Variants in IL1RAPL1 observed in about 807,000 individuals in gnomAD.
IL1RAPL1 encodes the protein interleukin-1 receptor accessory protein-like 1.
IL1RAPL1 carries 3 observed loss-of-function variants against 48.4 expected under a neutral mutation model. The observed-to-expected ratio is 0.06, with a 90% CI of 0.03 to 0.16. IL1RAPL1 has a LOEUF of 0.16. Among genes scored for constraint, IL1RAPL1 ranks in the 10% least tolerant of loss-of-function variants. The pLI, the probability that IL1RAPL1 is intolerant of heterozygous loss-of-function variation, is 1.00. For synonymous variants in IL1RAPL1, 185 were observed against 187.7 expected (o/e 0.99, Z 0.12); for missense variants, 349 against 530.6 (o/e 0.66, Z 3.36).
At chrX:29,305,563 A>G (rs185310319) in intron 3 of IL1RAPL1, among the ~76,000 whole-genome samples, 8 of 111,945 alleles carry the variant, frequency 7.1e-5, no homozygotes, top group African/African-American at 2.6e-4. Flanking sequence ...ATTTCAAAAG[A>G]GCAGGATTGT....
intron 2 of IL1RAPL1, among the ~76,000 whole-genome samples, chrX:28,982,280 C>A (rs958375206): frequency 5.4e-5 from 6 of 112,080 alleles, no homozygotes; most frequent in African/African-American, 1.6e-4. Context: ...GTCATCTGGG[C>A]AGCTTGCTGT....
intron 2 of IL1RAPL1, among the ~76,000 whole-genome samples, chrX:29,017,957 T>G (rs1281500591): frequency 8.9e-6 from 1 of 112,038 alleles, no homozygotes; most frequent in Non-Finnish European, 1.9e-5. Flanking sequence ...AGTTTCTCTA[T>G]TAAAAATTGT....
At chrX:28,623,111 A>G (rs1464561842) in intron 1 of IL1RAPL1, among the ~76,000 whole-genome samples, 1 of 110,909 alleles carries the variant, frequency 9.0e-6, no homozygotes, top group Non-Finnish European at 1.9e-5. Flanking sequence ...ATATATATCT[A>G]TATATCTCTC....
chrX:29,681,416 A>G (rs1926444851), intron 6 of IL1RAPL1, among the ~76,000 whole-genome samples: 1 of 112,430 alleles, frequency 8.9e-6, no homozygotes, highest in Non-Finnish European at 1.9e-5. Flanking sequence ...GTTAATTATG[A>G]AAGGAGAATC....
At position 28,899,526 on chromosome X, in the gene IL1RAPL1, G is replaced by A. The variant is rs144705806; in HGVS notation, c.82+110101G>A. Among the ~76,000 whole-genome samples the A allele has an allele frequency of 4.0e-3, 449 of 111,987 alleles. 4 individuals carry two copies. The highest frequency in any genetic ancestry group is 0.014 in the African/African-American group (428 of 30,828). On this transcript the variant is annotated intron_variant, in intron 2 of 10. Coordinates refer to ENST00000378993, the MANE Select transcript of IL1RAPL1 (RefSeq NM_014271.4). ...AAAGAATTATAAGTGCATTCTAACT[G>A]TGCATCTGTTTTATTTTCACCTGTC...
intron 6 of IL1RAPL1, among the ~76,000 whole-genome samples, chrX:29,715,086 A>T (rs2147122675): frequency 9.0e-6 from 1 of 111,313 alleles, no homozygotes; most frequent in East Asian, 2.8e-4. Flanking sequence ...TCTTTTGTTG[A>T]CTGTTTGTTA....
Position 29,469,475 on chromosome X carries a change from A to C in IL1RAPL1, c.703+70167A>C, listed in dbSNP as rs1333576806. 2.7e-5 allele frequency among the ~76,000 whole-genome samples: 3 copies of C among 111,944 alleles called. No individual in the cohort carries two copies. In the Admixed American group the frequency reaches 2.9e-4, roughly 11 times the overall value. ...TTCATTTGCTGTTATAAAAGAAAAAAATATAAGCTTGGGTACAGCTACCAT... is the reference window on the plus strand; with the variant it reads ...TTCATTTGCTGTTATAAAAGAAAAACATATAAGCTTGGGTACAGCTACCAT... On this transcript the variant is annotated intron_variant, in intron 5 of 10. Coordinates refer to ENST00000378993, the MANE Select transcript of IL1RAPL1 (RefSeq NM_014271.4).
chrX:28,797,683 G>C (rs1225579934), intron 2 of IL1RAPL1, among the ~76,000 whole-genome samples: 3 of 111,580 alleles, frequency 2.7e-5, no homozygotes, highest in Non-Finnish European at 5.6e-5. Context: ...CAAGTCTCTA[G>C]GAAGTTCTAA....
At chrX:29,928,175 G>A (rs1264840488) in intron 8 of IL1RAPL1, among the ~76,000 whole-genome samples, 2 of 111,943 alleles carry the variant, frequency 1.8e-5, no homozygotes, top group East Asian at 2.8e-4. Flanking sequence ...AGCTGCCAGT[G>A]GCAGCAGTCT....
intron 2 of IL1RAPL1, among the ~76,000 whole-genome samples, chrX:29,277,739 A>G (rs1932141288): frequency 8.9e-6 from 1 of 112,013 alleles, no homozygotes; most frequent in Non-Finnish European, 1.9e-5. Context: ...AGTGTTTTGG[A>G]TATCAGATCT....
chrX:29,938,750 T>G (rs1031594864), intron 8 of IL1RAPL1, among the ~76,000 whole-genome samples: 8 of 112,042 alleles, frequency 7.1e-5, no homozygotes, highest in Non-Finnish European at 1.3e-4. Flanking sequence ...TTCCCTTCAC[T>G]CATCATCAAT....
chrX:29,933,672 AAGAG>A (rs1398979783), intron 8 of IL1RAPL1, among the ~76,000 whole-genome samples: 171 of 109,946 alleles, frequency 1.6e-3, no homozygotes, highest in Middle Eastern at 4.7e-3. Flanking sequence ...AAAAAAAAAA[AAGAG>A]AGAGAAGACA....
chrX:29,620,192 A>G (rs1443037442), intron 5 of IL1RAPL1, among the ~76,000 whole-genome samples: 1 of 111,797 alleles, frequency 8.9e-6, no homozygotes, highest in African/African-American at 3.2e-5. Context: ...CCTCCAATAA[A>G]CCTAAATGAT....
chrX:28,737,154 C>CT (rs1569161783), intron 1 of IL1RAPL1, among the ~76,000 whole-genome samples: 54 of 69,492 alleles, frequency 7.8e-4, no homozygotes, highest in African/African-American at 3.4e-3. Flanking sequence ...TCCTTCCTTC[C>CT]TTCCTTCCTT....
At chrX:28,737,770 A>G in intron 1 of IL1RAPL1, among the ~76,000 whole-genome samples, 1 of 112,141 alleles carries the variant, frequency 8.9e-6, no homozygotes, top group Middle Eastern at 4.6e-3. Flanking sequence ...CAAATATGGA[A>G]TATTAAACTT....
intron 5 of IL1RAPL1, among the ~76,000 whole-genome samples, chrX:29,505,223 G>GTAT (rs1935315216): frequency 9.0e-6 from 1 of 111,719 alleles, no homozygotes; most frequent in South Asian, 3.7e-4. Context: ...CTTGCTGTAG[G>GTAT]TATTATTATT....
intron 2 of IL1RAPL1, among the ~76,000 whole-genome samples, chrX:28,932,283 A>G (rs958821360): frequency 9.0e-6 from 1 of 111,191 alleles, no homozygotes; most frequent in Non-Finnish European, 1.9e-5. Context: ...TTGCATTGCC[A>G]TAGCATCATT....
intron 2 of IL1RAPL1, among the ~76,000 whole-genome samples, chrX:29,006,651 G>A (rs866015205): frequency 6.8e-4 from 51 of 75,547 alleles, no homozygotes; most frequent in African/African-American, 2.7e-3. Context: ...ATATATATGT[G>A]TGTGTGTGTG....
chrX:29,774,978 A>G lies in IL1RAPL1; in HGVS notation c.778+106474A>G, dbSNP rs111300472. 6.5e-3 allele frequency among the ~76,000 whole-genome samples: 728 copies of G among 112,455 alleles called. 4 individuals are homozygous for G. Among genetic ancestry groups the G allele is most frequent in the African/African-American group, 0.022 (694 of 31,025 alleles). On this transcript the variant is annotated intron_variant, in intron 6 of 10. Coordinates refer to ENST00000378993, the MANE Select transcript of IL1RAPL1 (RefSeq NM_014271.4). ...CAATGAAAATAATAGAAAATGTGCC[A>G]TAAAAGTAATTGAAACCTAAACAGA...
Sources: gnomAD v4.1 joint callset for allele counts (sites outside exome capture counted in the v4.1 genomes callset) on GRCh38, gnomAD v4.1.1 for gene constraint, MANE v1.5 for transcripts, NCBI Gene and HGNC (gene_info 2026-07-23, HGNC 2026-07-21) for gene names.